The following DLGAP2 variants were observed in gnomAD, a reference collection of about 807,000 sequenced individuals.
DLGAP2 encodes disks large-associated protein 2.
In DLGAP2, 26 loss-of-function variants were observed where a neutral mutation model predicts 100.3. That is an observed-to-expected ratio of 0.26 (90% CI 0.19 to 0.36). The LOEUF is 0.36. DLGAP2 is among the 10% of genes least tolerant of loss of function. DLGAP2 has a pLI of 1.00. For synonymous variants in DLGAP2, 886 were observed against 630.1 expected, an observed-to-expected ratio of 1.41 and a Z score of -6.08; for missense variants, 1,858 against 1,453.2, an observed-to-expected ratio of 1.28 and a Z score of -4.53.
chr8:999,128 GA>G (rs1441196810), intron 2 of DLGAP2, among the ~76,000 whole-genome samples: 1 of 152,000 alleles, frequency 6.6e-6, no homozygotes, highest in African/African-American at 2.4e-5. Context: ...GACATTTTCT[GA>G]TATTTGTTAT....
At chr8:998,844 T>G (rs1459996330) in intron 2 of DLGAP2, among the ~76,000 whole-genome samples, 1 of 152,180 alleles carries the variant, frequency 6.6e-6, no homozygotes, top group African/African-American at 2.4e-5. Flanking sequence ...GTGTATATTT[T>G]GGGGGAACTG....
chr8:1,536,890 G>T (rs1025209883), intron 4 of DLGAP2, among the ~76,000 whole-genome samples: 1 of 152,152 alleles, frequency 6.6e-6, no homozygotes, highest in Admixed American at 6.5e-5. Context: ...AGGGCATTCA[G>T]TGCTCACAGT....
intron 2 of DLGAP2, among the ~76,000 whole-genome samples, chr8:982,974 A>G (rs1208953005): frequency 6.9e-6 from 1 of 144,044 alleles, no homozygotes; most frequent in Admixed American, 7.2e-5. Context: ...AAATGCGTAT[A>G]TCTGCTTTAG....
In DLGAP2 at chr8:1,697,287, C is replaced by G. The variant is rs765433458; in HGVS notation, c.2937C>G (p.Ser979=). 2 of 1,604,982 alleles carry G rather than the reference C, an allele frequency of 1.2e-6. No homozygotes were observed. Among genetic ancestry groups the G allele is most frequent in the Non-Finnish European group, 8.5e-7 (1 of 1,175,160 alleles). Residue 979 remains serine (S), a synonymous_variant, in exon 14 of 15, where the codon TCC becomes TCG. Transcript: ENST00000637795. ...LRLNDWKMME[S]PERKEERKVP... is the part of the protein sequence containing the mutation. ...TCAACGACTGGAAGATGATGGAGTC[C>G]CCGGAAAGAAAGGTAAGGGCATCCA...
intron 2 of DLGAP2, among the ~76,000 whole-genome samples, chr8:1,013,596 G>A (rs1304099736): frequency 1.3e-5 from 2 of 148,802 alleles, no homozygotes; most frequent in East Asian, 1.9e-4. Flanking sequence ...ACGGACAGAC[G>A]GCGCCTCCAC....
chr8:1,169,368 C>G (rs1057354713), intron 2 of DLGAP2, among the ~76,000 whole-genome samples: 1 of 152,138 alleles, frequency 6.6e-6, no homozygotes, highest in Non-Finnish European at 1.5e-5. Context: ...GATGCGGGCT[C>G]TTTCTTGGTT....
chr8:1,099,130 G>A (rs943340130), intron 2 of DLGAP2, among the ~76,000 whole-genome samples: 8 of 152,084 alleles, frequency 5.3e-5, no homozygotes, highest in Non-Finnish European at 2.9e-5. Flanking sequence ...TCTCAGCCTC[G>A]CCGGTGTTCC....
chr8:965,965 T>C (rs1412124743), intron 2 of DLGAP2, among the ~76,000 whole-genome samples: 3 of 152,212 alleles, frequency 2.0e-5, no homozygotes, highest in African/African-American at 7.2e-5. Context: ...AGCAGCCAGG[T>C]ACCCTTCTCC....
At chr8:1,372,201 C>T (rs1211789466) in intron 3 of DLGAP2, among the ~76,000 whole-genome samples, 6 of 151,820 alleles carry the variant, frequency 4.0e-5, no homozygotes, top group Admixed American at 6.6e-5. Flanking sequence ...CGCAGGTCAC[C>T]GTGCTGCCAA....
At chr8:824,315 ATGTCTT>A (rs1392886464) in intron 1 of DLGAP2, among the ~76,000 whole-genome samples, 38 of 151,940 alleles carry the variant, frequency 2.5e-4, no homozygotes, top group Admixed American at 7.2e-4. Context: ...GGCTCAAGCA[ATGTCTT>A]TGTCTCGGCG....
At chr8:1,170,926 C>G (rs931289391) in intron 2 of DLGAP2, among the ~76,000 whole-genome samples, 26 of 149,584 alleles carry the variant, frequency 1.7e-4, no homozygotes, top group Non-Finnish European at 3.1e-4. Flanking sequence ...CTTCTGCTAG[C>G]TTTTGAATGT....
chr8:1,478,002 T>C (rs551392720), intron 3 of DLGAP2, among the ~76,000 whole-genome samples: 13 of 152,318 alleles, frequency 8.5e-5, no homozygotes, highest in Non-Finnish European at 1.6e-4. Flanking sequence ...TCACTCTCTG[T>C]TCGTAGGGTT....
intron 3 of DLGAP2, among the ~76,000 whole-genome samples, chr8:1,422,448 A>C (rs1797117373): frequency 6.6e-6 from 1 of 152,160 alleles, no homozygotes; most frequent in Non-Finnish European, 1.5e-5. Flanking sequence ...AGCGAGGATC[A>C]CTAAGAGCAA....
intron 3 of DLGAP2, among the ~76,000 whole-genome samples, chr8:1,323,032 A>ATTT (rs368233603): frequency 1.4e-5 from 2 of 142,426 alleles, no homozygotes; most frequent in East Asian, 2.0e-4. Context: ...TAAACTCACA[A>ATTT]TTTTTTTTTT....
At chr8:804,282 G>A (rs1053746058) in intron 1 of DLGAP2, among the ~76,000 whole-genome samples, 3 of 152,108 alleles carry the variant, frequency 2.0e-5, no homozygotes, top group Admixed American at 1.3e-4. Flanking sequence ...GACTGTTTTC[G>A]TCTGTGTCTT....
At chr8:1,090,616 T>C (rs1804147659) in intron 2 of DLGAP2, among the ~76,000 whole-genome samples, 1 of 151,988 alleles carries the variant, frequency 6.6e-6, no homozygotes, top group Admixed American at 6.6e-5. Context: ...AGGTTGGGGG[T>C]CTTGCCTCTT....
rs112876173 is a variant in DLGAP2 at position 1,039,384 on chromosome 8, C to T, written c.73+131418C>T. ...GTCAGCTCGGTGTGCATGGTCAGCTCGGTTTCCGTGCTAAGCTTGGTTTCT... is the reference window on the plus strand; with the variant it reads ...GTCAGCTCGGTGTGCATGGTCAGCTTGGTTTCCGTGCTAAGCTTGGTTTCT... On this transcript the variant is annotated intron_variant, in intron 2 of 14. Coordinates refer to ENST00000637795, the MANE Select transcript of DLGAP2 (RefSeq NM_001346810.2). Among the ~76,000 whole-genome samples the T allele has an allele frequency of 7.3e-3, 1,075 of 146,292 alleles. 13 individuals are homozygous for T. The highest frequency in any genetic ancestry group is 0.025 in the African/African-American group (974 of 39,302).
intron 3 of DLGAP2, among the ~76,000 whole-genome samples, chr8:1,428,576 A>T (rs1405594761): frequency 6.6e-6 from 1 of 152,240 alleles, no homozygotes; most frequent in Non-Finnish European, 1.5e-5. Context: ...CTGGGAACAG[A>T]TGGAAAATAT....
chr8:1,292,270 C>A (rs530116556), intron 3 of DLGAP2, among the ~76,000 whole-genome samples: 25 of 152,320 alleles, frequency 1.6e-4, no homozygotes, highest in African/African-American at 6.0e-4. Flanking sequence ...TCTGCCCTGG[C>A]TCTTTCTGGC....
Sources: gnomAD v4.1 joint callset for allele counts (sites outside exome capture counted in the v4.1 genomes callset) on GRCh38, gnomAD v4.1.1 for gene constraint, MANE v1.5 for transcripts, NCBI Gene and HGNC (gene_info 2026-07-23, HGNC 2026-07-21) for gene names.